Variants in SCARB1 observed in about 807,000 individuals in gnomAD.
SCARB1 encodes CD36 and LIMPII analogous 1.
In SCARB1, 30 loss-of-function variants were observed where a neutral mutation model predicts 57.2. The observed-to-expected ratio is 0.52, with a 90% CI of 0.39 to 0.71. The LOEUF is 0.71. Ranked by LOEUF, SCARB1 falls within the 30% of genes least tolerant of loss-of-function variation. SCARB1 has a pLI of 0.00. For synonymous variants in SCARB1, 249 were observed against 268.3 expected (o/e 0.93, Z 0.70); for missense variants, 543 against 671.2 (o/e 0.81, Z 2.11).
In SCARB1 at chr12:124,779,287, T is replaced by C. The variant is rs922357550; in HGVS notation, c.*1-701A>G. Among the ~76,000 whole-genome samples the C allele has an allele frequency of 1.8e-4, 27 of 152,316 alleles. 1 individual carries two copies. Among genetic ancestry groups the C allele is most frequent in the Admixed American group, 9.1e-4 (14 of 15,302 alleles). On this transcript the variant is annotated intron_variant, in intron 12 of 12. Coordinates refer to ENST00000261693, the MANE Select transcript of SCARB1 (RefSeq NM_005505.5). ...CCATGTCACAGGACGGTATTCAGCCTGAACAGTATTCCTGAACAGAAGACA... is the reference window on the plus strand; with the variant it reads ...CCATGTCACAGGACGGTATTCAGCCCGAACAGTATTCCTGAACAGAAGACA...
chr12:124,817,809 G>C lies in SCARB1; in HGVS notation c.127-102C>G, dbSNP rs1487745908. 4.2e-5 allele frequency: 53 copies of C among 1,274,480 alleles called. No homozygotes were observed. The highest frequency in any genetic ancestry group is 6.0e-5 in the Non-Finnish European group (52 of 873,150). The allele number at this position is 1,274,480 out of a possible 1,614,324, so 78.9% of individuals were successfully genotyped here. ...CTGCCCGAGCCCGGCCAGGGAAGGGGCTCCTCGGCGGGAGCTTGGGATAGG... is the reference window on the plus strand; with the variant it reads ...CTGCCCGAGCCCGGCCAGGGAAGGGCCTCCTCGGCGGGAGCTTGGGATAGG... On this transcript the variant is annotated intron_variant, in intron 1 of 12. Coordinates refer to ENST00000261693, the MANE Select transcript of SCARB1 (RefSeq NM_005505.5). The surrounding 1 kb of genome is among the most constrained non-coding windows in gnomAD (Gnocchi z 4.8).
intron 1 of SCARB1, among the ~76,000 whole-genome samples, chr12:124,850,437 C>G (rs1952348529): frequency 6.6e-6 from 1 of 151,870 alleles, no homozygotes; most frequent in South Asian, 2.1e-4. Flanking sequence ...TTTGGGAGGT[C>G]GAGGTGGGCG....
At chr12:124,863,280 G>T (rs377073532) in intron 1 of SCARB1, among the ~76,000 whole-genome samples, 1 of 152,358 alleles carries the variant, frequency 6.6e-6, no homozygotes, top group East Asian at 1.9e-4. Context: ...CTCCTGATCC[G>T]TCGTGGGCGC....
At chr12:124,825,731 G>A (rs556780125) in intron 1 of SCARB1, among the ~76,000 whole-genome samples, 2 of 152,268 alleles carry the variant, frequency 1.3e-5, no homozygotes, top group South Asian at 2.1e-4. Flanking sequence ...TTCTGCACAC[G>A]GTGGCTGCAC....
intron 1 of SCARB1, among the ~76,000 whole-genome samples, chr12:124,855,459 G>A (rs1952588808): frequency 6.6e-6 from 1 of 152,172 alleles, no homozygotes; most frequent in Non-Finnish European, 1.5e-5. Flanking sequence ...AGTCAAGAAC[G>A]CAGCTTTTTG....
intron 1 of SCARB1, among the ~76,000 whole-genome samples, chr12:124,841,029 T>C (rs1348129439): frequency 6.6e-6 from 1 of 151,674 alleles, no homozygotes; most frequent in African/African-American, 2.4e-5. Flanking sequence ...ATTAGCCGAG[T>C]GTAGTGGCAC....
At chr12:124,801,055 C>T (rs960041193) in intron 7 of SCARB1, among the ~76,000 whole-genome samples, 2 of 152,096 alleles carry the variant, frequency 1.3e-5, no homozygotes, top group Non-Finnish European at 2.9e-5. Context: ...AAAAATTAGC[C>T]GGGCATGGTG....
In SCARB1 at chr12:124,777,779, C is replaced by G. The variant is rs10396211; in HGVS notation, c.*808G>C. 4,379 of 152,466 alleles carry G rather than the reference C, an allele frequency of 0.029. 233 individuals are homozygous for G. The highest frequency in any genetic ancestry group is 0.1 in the African/African-American group (4,149 of 41,576). The allele number at this position is 152,466 out of a possible 1,614,324, so 9.4% of individuals were successfully genotyped here. A position where few individuals can be genotyped will look rare whatever the true frequency, so the allele number is the denominator to read the frequency against. On this transcript the variant is annotated 3_prime_UTR_variant, in exon 13 of 13. Transcript: ENST00000261693. ...GGCCCCCAGGCCTCTTCACCTCAGC[C>G]TGGGCACCTATAATCTGAGGGACCC...
chr12:124,780,713 A>C (rs1873277820), intron 12 of SCARB1, among the ~76,000 whole-genome samples: 1 of 152,256 alleles, frequency 6.6e-6, no homozygotes, highest in African/African-American at 2.4e-5. Context: ...TGTTGGCAAA[A>C]TAAAGGGGAG....
chr12:124,851,136 C>A (rs1333810612), intron 1 of SCARB1, among the ~76,000 whole-genome samples: 3 of 152,226 alleles, frequency 2.0e-5, no homozygotes, highest in Non-Finnish European at 4.4e-5. Context: ...TGAGAAAATT[C>A]TTTAATTCTC....
chr12:124,785,579 A>C (rs1014135937), intron 11 of SCARB1: 1 of 159,128 alleles, frequency 6.3e-6, no homozygotes, highest in Non-Finnish European at 1.4e-5. Context: ...CCAGACATGC[A>C]CTCTCCAGTC....
intron 7 of SCARB1, among the ~76,000 whole-genome samples, chr12:124,806,460 A>G (rs838905): frequency 0.18 from 27,371 of 152,130 alleles, 4,640 homozygotes; most frequent in East Asian, 0.5. Context: ...CGGAACGAGA[A>G]GATGTTACGT....
intron 12 of SCARB1, among the ~76,000 whole-genome samples, chr12:124,781,089 C>T (rs1055373887): frequency 3.9e-5 from 6 of 152,282 alleles, no homozygotes; most frequent in Admixed American, 2.6e-4. Context: ...ATTAACACTC[C>T]ACCCCAACAT....
At chr12:124,787,335 C>T (rs1005205717) in intron 10 of SCARB1, 71 bp downstream of exon 10, 21 of 1,433,782 alleles carry the variant, frequency 1.5e-5, no homozygotes, top group East Asian at 4.6e-5. Context: ...CTGCTCCCCC[C>T]GCCTCCTGCC....
At position 124,814,485 on chromosome 12, in the gene SCARB1, C is replaced by A. The variant is rs61320152; in HGVS notation, c.427-80G>T. 1.8e-3 allele frequency: 2,593 copies of A among 1,447,150 alleles called. 45 individuals carry two copies. In the African/African-American group the frequency reaches 0.031, roughly 17 times the overall value. 89.6% of individuals were successfully genotyped at this position (1,447,150 alleles called of 1,614,324 possible). On this transcript the variant is annotated intron_variant, in intron 3 of 12. Coordinates refer to ENST00000261693, the MANE Select transcript of SCARB1 (RefSeq NM_005505.5). This position sits in a 1 kb window ranked among gnomAD's most constrained non-coding sequence, Gnocchi z 4.7. ...CCTTGGCCCCAGCTGGGCCTCACAG[C>A]AAAGAGCCCATGAAGGGAAATGCTG...
chr12:124,793,808 G>C (rs1035604024), intron 9 of SCARB1, among the ~76,000 whole-genome samples: 1 of 151,970 alleles, frequency 6.6e-6, no homozygotes, highest in African/African-American at 2.4e-5. Context: ...TCCACCCCTC[G>C]GTACATACCT....
chr12:124,781,266 G>A (rs1039138487), intron 12 of SCARB1, among the ~76,000 whole-genome samples: 8 of 152,220 alleles, frequency 5.3e-5, no homozygotes, highest in African/African-American at 1.9e-4. Flanking sequence ...AGATGAGTTA[G>A]AGACAGCCAA....
rs1950377984 is a variant in SCARB1, at chr12:124,807,917, G to A, written c.853C>T (p.Leu285=). 6.2e-7 allele frequency: 1 copy of A among 1,614,104 alleles called. No homozygotes were observed. The highest frequency in any genetic ancestry group is 8.5e-7 in the Non-Finnish European group (1 of 1,179,976). Residue 285 remains leucine, a synonymous_variant, in exon 7 of 13, where the codon CTA becomes TTA. Coordinates refer to ENST00000261693, the MANE Select transcript of SCARB1 (RefSeq NM_005505.5). This position sits in a 1 kb window ranked among gnomAD's most constrained non-coding sequence, Gnocchi z 5.3. ...YSPEACRSMK[L]MYKESGVFEG... is the part of the protein sequence containing the mutation. Reference sequence around the variant, plus strand: ...AACACCCCTGACTCCTTGTACATTAGCTTCATGGATCTGCAGGGGACAGAC... The same window carrying A: ...AACACCCCTGACTCCTTGTACATTAACTTCATGGATCTGCAGGGGACAGAC...
Position 124,863,857 on chromosome 12 carries a change from C to G in SCARB1, c.-137G>C. The G allele has an allele frequency of 2.7e-6, 3 of 1,119,178 alleles. No individual in the cohort carries two copies. Among genetic ancestry groups the G allele is most frequent in the Non-Finnish European group, 3.5e-6 (3 of 853,376 alleles). The allele number at this position is 1,119,178 out of a possible 1,614,324, so 69.3% of individuals were successfully genotyped here. On this transcript the variant is annotated 5_prime_UTR_variant, in exon 1 of 13. Transcript: ENST00000261693. ...GCACGGTGGATCCGGGACGGCAGCG[C>G]ACGCAGGAGCAGCCCGGCAGGTGGC...
Sources: allele counts gnomAD v4.1 joint callset (sites outside exome capture counted in the v4.1 genomes callset), GRCh38; gene constraint gnomAD v4.1.1; non-coding constraint Gnocchi (gnomAD v3.1); transcripts MANE v1.5; gene names NCBI Gene and HGNC (gene_info 2026-07-23, HGNC 2026-07-21).